The following LANCL2 variants were observed in gnomAD, a reference collection of about 807,000 sequenced individuals.
The protein encoded by LANCL2 is lanC-like protein 2.
In LANCL2, 33 loss-of-function variants were observed where a neutral mutation model predicts 56.9. That is an observed-to-expected ratio of 0.58 (90% CI 0.44 to 0.78). The LOEUF (loss-of-function observed/expected upper bound fraction) is 0.78. LANCL2 is among the 30% of genes least tolerant of loss of function. The pLI is 0.00. For missense variants in LANCL2, 562 were observed against 580.2 expected (o/e 0.97, Z 0.32); for synonymous variants, 233 against 228.2 (o/e 1.02, Z -0.19).
intron 8 of LANCL2, among the ~76,000 whole-genome samples, chr7:55,429,209 C>A (rs548503311): frequency 6.6e-6 from 1 of 152,232 alleles, no homozygotes; most frequent in East Asian, 1.9e-4. Context: ...TTCTTCTCTT[C>A]TGTTTTCTGG....
At chr7:55,410,828 TTG>T (rs1453418396) in intron 5 of LANCL2, among the ~76,000 whole-genome samples, 5 of 152,206 alleles carry the variant, frequency 3.3e-5, no homozygotes, top group African/African-American at 1.2e-4. Context: ...CCTAAAGACA[TTG>T]TGTGGCATTA....
chr7:55,366,240 G>C lies in LANCL2; in HGVS notation c.204+11G>C. ...CATCAGGACGGGAAGGTGAGTCGGC[G>C]GCCTGGCCGCAGAGGCGCCGGAGGG... On this transcript the variant is annotated intron_variant, in intron 1 of 8. Transcript: ENST00000254770. The C allele has an allele frequency of 6.7e-7, 1 of 1,482,606 alleles. No individual in the cohort carries two copies. Among genetic ancestry groups the C allele is most frequent in the South Asian group, 1.3e-5 (1 of 78,100 alleles). 91.8% of individuals were successfully genotyped at this position (1,482,606 alleles called of 1,614,324 possible). A position where few individuals can be genotyped will look rare whatever the true frequency, so the allele number is the denominator to read the frequency against.
intron 1 of LANCL2, among the ~76,000 whole-genome samples, chr7:55,371,392 T>G (rs1270151159): frequency 6.6e-6 from 1 of 152,120 alleles, no homozygotes; most frequent in Non-Finnish European, 1.5e-5. Flanking sequence ...CCCAACTAGT[T>G]TTTGTATTTT....
intron 1 of LANCL2, among the ~76,000 whole-genome samples, chr7:55,374,880 T>C (rs1789983631): frequency 6.6e-6 from 1 of 152,224 alleles, no homozygotes; most frequent in Admixed American, 6.5e-5. Flanking sequence ...TTTATCATCT[T>C]TAAAATGTAG....
chr7:55,431,981 G>A lies in LANCL2; in HGVS notation c.*661G>A, dbSNP rs1232966486. ...CTGTCAGGGCCCCATTCCCAGCAGA[G>A]GCTTCAGGTGCTTTGTGTAGAGTCC... is the stretch of plus-strand genomic sequence containing the variant. On this transcript the variant is annotated 3_prime_UTR_variant, in exon 9 of 9. Transcript: ENST00000254770. 1.3e-5 allele frequency: 2 copies of A among 152,230 alleles called. No homozygotes were observed. The highest frequency in any genetic ancestry group is 2.9e-5 in the Non-Finnish European group (2 of 68,058). 9.4% of individuals were successfully genotyped at this position (152,230 alleles called of 1,614,324 possible).
chr7:55,371,696 C>T (rs1003291820), intron 1 of LANCL2, among the ~76,000 whole-genome samples: 5 of 151,972 alleles, frequency 3.3e-5, no homozygotes, highest in African/African-American at 1.2e-4. Flanking sequence ...ACTTTTTCCA[C>T]AGAAAAAAAT....
At chr7:55,418,087 T>C (rs1723885) in intron 6 of LANCL2, among the ~76,000 whole-genome samples, 135,418 of 151,960 alleles carry the variant, frequency 0.89, 60,738 homozygotes, top group African/African-American at 0.97. Flanking sequence ...GTTTTTGCTC[T>C]ACAGGTCTTA....
rs1366931423 is a variant in LANCL2 at position 55,391,827 on chromosome 7, A to G, written c.239A>G (p.Lys80Arg). ...AATTTCATAAGACGGATCCAGACCA[A>G]AATTAAAGATCTTCTGCAGCAAATG... ...IHNFIRRIQT[K>R]IKDLLQQMEE... Residue 80 changes from lysine to arginine, a missense_variant, in exon 2 of 9, where the codon AAA becomes AGA. By Grantham distance (26) the Lys-to-Arg change is conservative (BLOSUM62 2). This residue lies in a region of LANCL2 where 184 missense variants were observed against 111.8 expected (regional missense o/e 1.65). Transcript: ENST00000254770. The G allele has an allele frequency of 1.2e-6, 2 of 1,611,844 alleles. No homozygotes were observed. The highest frequency in any genetic ancestry group is 1.7e-6 in the Non-Finnish European group (2 of 1,178,200).
At chr7:55,399,307 G>A (rs1790292903) in intron 3 of LANCL2, among the ~76,000 whole-genome samples, 1 of 149,010 alleles carries the variant, frequency 6.7e-6, no homozygotes, top group Non-Finnish European at 1.5e-5. Flanking sequence ...AAGACAGAAT[G>A]ACAGTCTAAT....
intron 2 of LANCL2, among the ~76,000 whole-genome samples, chr7:55,393,173 A>G (rs1393820553): frequency 1.3e-5 from 2 of 152,230 alleles, no homozygotes; most frequent in Non-Finnish European, 2.9e-5. Flanking sequence ...TGAAGTCCAA[A>G]TTGCTAATGA....
Position 55,416,608 on chromosome 7 carries a change from GTTTTA to G in LANCL2, c.1008+4534_1008+4538del, listed in dbSNP as rs538370750. 6.7e-3 allele frequency among the ~76,000 whole-genome samples: 1,012 copies of G among 151,982 alleles called. 10 individuals are homozygous for G. Among genetic ancestry groups the G allele is most frequent in the Non-Finnish European group, 0.011 (738 of 67,954 alleles). On this transcript the variant is annotated intron_variant, in intron 6 of 8. Coordinates refer to ENST00000254770, the MANE Select transcript of LANCL2 (RefSeq NM_018697.4). Reference sequence around the variant, plus strand: ...TCTCTTCGTGTGTTTTACCTACATTGTTTTATTTTATTTTATTTTTGTCTTTTTGC... The same window carrying G: ...TCTCTTCGTGTGTTTTACCTACATTGTTTTATTTTATTTTTGTCTTTTTGC...
intron 1 of LANCL2, among the ~76,000 whole-genome samples, chr7:55,381,747 G>C (rs181553963): frequency 6.6e-6 from 1 of 152,164 alleles, no homozygotes; most frequent in South Asian, 2.1e-4. Context: ...TACATGGGAC[G>C]TACCCAGGGA....
At chr7:55,413,962 C>T (rs1790498720) in intron 6 of LANCL2, among the ~76,000 whole-genome samples, 1 of 151,988 alleles carries the variant, frequency 6.6e-6, no homozygotes, top group South Asian at 2.1e-4. Flanking sequence ...ATGTTCCCAG[C>T]ATAAATAAAT....
chr7:55,366,097 C>T lies in LANCL2; in HGVS notation c.72C>T (p.Phe24=), dbSNP rs61749018. The stretch of plus-strand genomic sequence containing the variant: ...AGGCAGAAATGGAGGAACGGGCGTT[C>T]GTCAACCCCTTCCCGGACTACGAGG... ...GGEAEMEERA[F]VNPFPDYEAA... is the part of the protein sequence containing the mutation. Residue 24 remains phenylalanine (F), a synonymous_variant, in exon 1 of 9, where the codon TTC becomes TTT. Transcript: ENST00000254770. 7.3e-3 allele frequency: 11,294 copies of T among 1,538,724 alleles called. 55 individuals carry two copies. Among genetic ancestry groups the T allele is most frequent in the Non-Finnish European group, 8.9e-3 (10,146 of 1,138,706 alleles).
intron 1 of LANCL2, among the ~76,000 whole-genome samples, chr7:55,386,324 A>C (rs772282014): frequency 6.6e-6 from 1 of 152,258 alleles, no homozygotes; most frequent in African/African-American, 2.4e-5. Flanking sequence ...AGGCATAAGA[A>C]ATTAGAAAAG....
intron 1 of LANCL2, among the ~76,000 whole-genome samples, chr7:55,366,625 A>G (rs899302788): frequency 1.3e-5 from 2 of 152,088 alleles, no homozygotes; most frequent in East Asian, 1.9e-4. Context: ...TTCCTTGGCC[A>G]TATCTGGTCC....
rs1207884960 is a variant in LANCL2 at position 55,365,703 on chromosome 7, C to A, written c.-323C>A. 2 of 236,314 alleles carry A rather than the reference C, an allele frequency of 8.5e-6. No homozygotes were observed. Among genetic ancestry groups the A allele is most frequent in the East Asian group, 1.6e-4 (2 of 12,648 alleles). The allele number at this position is 236,314 out of a possible 1,614,324, so 14.6% of individuals were successfully genotyped here. A position where few individuals can be genotyped will look rare whatever the true frequency, so the allele number is the denominator to read the frequency against. On this transcript the variant is annotated 5_prime_UTR_variant, in exon 1 of 9. Transcript: ENST00000254770. ...GTCGCCGCGGACGGGCTCTGCGGGC[C>A]ACGGGGAAGGTGCGAGGAGGCGCGA...
At chr7:55,413,188 A>C (rs1790490046) in intron 6 of LANCL2, among the ~76,000 whole-genome samples, 1 of 152,216 alleles carries the variant, frequency 6.6e-6, no homozygotes, top group Non-Finnish European at 1.5e-5. Context: ...TTTTACATTA[A>C]AACATAATTC....
rs553705288 is a variant in LANCL2, at chr7:55,405,406, C to T, written c.825+4086C>T. On this transcript the variant is annotated intron_variant, in intron 5 of 8. Transcript: ENST00000254770. ...ACACCTTTAGAGACACACCCAGACA[C>T]CATGTTTAATTTGACACATAAAATT... 3.9e-5 allele frequency among the ~76,000 whole-genome samples: 6 copies of T among 152,176 alleles called. 1 individual carries two copies. The highest frequency in any genetic ancestry group is 3.3e-4 in the Admixed American group (5 of 15,280).
Sources: gnomAD v4.1 joint callset for allele counts (sites outside exome capture counted in the v4.1 genomes callset) on GRCh38, gnomAD v4.1.1 for gene constraint, gnomAD v4.1.1 regional missense constraint, MANE v1.5 for transcripts, NCBI Gene and HGNC (gene_info 2026-07-23, HGNC 2026-07-21) for gene names.